The following IDH3A variants were observed in gnomAD, a reference collection of about 807,000 sequenced individuals.
IDH3A encodes the protein isocitrate dehydrogenase (NAD(+)) 3 catalytic subunit alpha.
Under a neutral mutation model 43.3 loss-of-function variants are expected in IDH3A, and 23 were observed. The observed-to-expected ratio is 0.53, with a 90% confidence interval of 0.38 to 0.75. IDH3A has a LOEUF of 0.75. Ranked by LOEUF, IDH3A falls within the 30% of genes least tolerant of loss-of-function variation. IDH3A has a pLI of 0.00. For synonymous variants in IDH3A, 154 were observed against 163.5 expected (o/e 0.94, Z 0.44); for missense variants, 329 against 474.4 (o/e 0.69, Z 2.85).
Position 78,171,003 on chromosome 15 carries a change from G to C in IDH3A, c.*1998G>C, listed in dbSNP as rs541635711. ...CGGCGATGCCCGCCAAGATTCCAGA[G>C]TAAGTCAGGTCGCTAGGTGAGTTGT... is the stretch of plus-strand genomic sequence containing the variant. On this transcript the variant is annotated 3_prime_UTR_variant, in exon 11 of 11. Coordinates refer to ENST00000299518, the MANE Select transcript of IDH3A (RefSeq NM_005530.3). 1.3e-5 allele frequency: 2 copies of C among 154,100 alleles called. No individual in the cohort carries two copies. The highest frequency in any genetic ancestry group is 4.8e-5 in the African/African-American group (2 of 41,614). 9.5% of individuals were successfully genotyped at this position (154,100 alleles called of 1,614,324 possible).
intron 10 of IDH3A, 152 bp from the exon 11 acceptor site, chr15:78,168,770 G>A: frequency 1.6e-6 from 1 of 625,106 alleles, no homozygotes; most frequent in Non-Finnish European, 2.9e-6. Context: ...GGTAGATGGT[G>A]GTGGAGTGGT....
chr15:78,159,318 C>A (rs1055046908), intron 3 of IDH3A, among the ~76,000 whole-genome samples: 3 of 152,056 alleles, frequency 2.0e-5, no homozygotes, highest in South Asian at 4.1e-4. Flanking sequence ...TTTCTTCCCC[C>A]ACCCTAGGCA....
Position 78,154,187 on chromosome 15 carries a change from A to AG in IDH3A, c.28-1025dup, listed in dbSNP as rs1236953233. On this transcript the variant is annotated intron_variant, in intron 1 of 10. Coordinates refer to ENST00000299518, the MANE Select transcript of IDH3A (RefSeq NM_005530.3). ...CTGGCATATGATGTTAATTGGAGAGAGAAAAAAAAAAAAAAACACGTACCA... is the reference window on the plus strand; with the variant it reads ...CTGGCATATGATGTTAATTGGAGAGAGGAAAAAAAAAAAAAAACACGTACCA... Among the ~76,000 whole-genome samples the AG allele has an allele frequency of 3.2e-4, 38 of 120,440 alleles. 1 individual carries two copies. In the East Asian group the frequency reaches 5.8e-3, roughly 18 times the overall value. The allele number at this position is 120,440 out of a possible 152,430, so 79.0% of individuals were successfully genotyped here. A position where few individuals can be genotyped will look rare whatever the true frequency, so the allele number is the denominator to read the frequency against.
At chr15:78,162,519 T>C (rs866329173) in intron 6 of IDH3A, 152 bp downstream of exon 6, 1 of 716,226 alleles carries the variant, frequency 1.4e-6, no homozygotes, top group East Asian at 2.9e-5. Flanking sequence ...ATCTCTCTTC[T>C]GTCGGAGTCT....
chr15:78,165,478 C>T (rs996733854), intron 9 of IDH3A, among the ~76,000 whole-genome samples: 1 of 151,868 alleles, frequency 6.6e-6, no homozygotes, highest in Non-Finnish European at 1.5e-5. Flanking sequence ...AGGTGTGAGC[C>T]ATTGCACCCA....
At chr15:78,166,072 T>C in intron 9 of IDH3A, 78 bp from the exon 10 acceptor site, 1 of 1,361,202 alleles carries the variant, frequency 7.3e-7, no homozygotes, top group Admixed American at 1.7e-5. Context: ...GGAAAGATGG[T>C]TAAGACTCCA....
In IDH3A at chr15:78,169,793, G is replaced by C. The variant is rs1215933161; in HGVS notation, c.*788G>C. On this transcript the variant is annotated 3_prime_UTR_variant, in exon 11 of 11. Coordinates refer to ENST00000299518, the MANE Select transcript of IDH3A (RefSeq NM_005530.3). ...GGATACATTTTCAGCATCATGAGTT[G>C]TCACAGCCTCTGAGCCCCTGATCTG... The C allele has an allele frequency of 2.0e-5, 3 of 152,212 alleles. No individual in the cohort carries two copies. In the South Asian group the frequency reaches 6.2e-4, roughly 32 times the overall value. 9.4% of individuals were successfully genotyped at this position (152,212 alleles called of 1,614,324 possible).
Position 78,161,981 on chromosome 15 carries a change from C to A in IDH3A, c.477+213C>A, listed in dbSNP as rs1368863466. Among the ~76,000 whole-genome samples the A allele has an allele frequency of 6.6e-6, 1 of 152,200 alleles. No individual in the cohort carries two copies. The highest frequency in any genetic ancestry group is 2.4e-5 in the African/African-American group (1 of 41,444). Reference sequence around the variant, plus strand: ...CCTCTGAATTTTGAATCCCCCACTTCACAGGTGCGCTCTTCCGCAGATGAC... The same window carrying A: ...CCTCTGAATTTTGAATCCCCCACTTAACAGGTGCGCTCTTCCGCAGATGAC... On this transcript the variant is annotated intron_variant, in intron 5 of 10. Coordinates refer to ENST00000299518, the MANE Select transcript of IDH3A (RefSeq NM_005530.3). This position sits in a 1 kb window ranked among gnomAD's most constrained non-coding sequence, Gnocchi z 4.8.
Position 78,162,366 on chromosome 15 carries a change from A to G in IDH3A, c.610A>G (p.Met204Val). The G allele has an allele frequency of 6.2e-7, 1 of 1,613,804 alleles. No individual in the cohort carries two copies. Among genetic ancestry groups the G allele is most frequent in the Non-Finnish European group, 8.5e-7 (1 of 1,179,796 alleles). The change falls in exon 6 of 11, where the codon ATG (methionine) becomes GTG (valine). Residue 204 changes from methionine to valine, a missense_variant and splice_region_variant. Met to Val is a conservative substitution (Grantham distance 21). Coordinates refer to ENST00000299518, the MANE Select transcript of IDH3A (RefSeq NM_005530.3). ...CACGGCGGTGCACAAAGCCAACATC[A>G]TGTGAGCTCCTTGCGGGGGCCGGCA... ...NVTAVHKANI[M>V]RMSDGLFLQK...
Position 78,164,422 on chromosome 15 carries a change from G to A in IDH3A, c.780-570G>A, listed in dbSNP as rs112856047. On this transcript the variant is annotated intron_variant, in intron 8 of 10. Coordinates refer to ENST00000299518, the MANE Select transcript of IDH3A (RefSeq NM_005530.3). The stretch of plus-strand genomic sequence containing the variant: ...GGCTGGAGTGCAGTGGCACAATCTC[G>A]GCTCACTGCAACCTCTACCTCCCAG... 1.5e-3 allele frequency among the ~76,000 whole-genome samples: 226 copies of A among 149,512 alleles called. 1 individual carries two copies. The highest frequency in any genetic ancestry group is 5.1e-3 in the African/African-American group (206 of 40,568).
intron 2 of IDH3A, chr15:78,157,300 T>C (rs1038472083): frequency 4.2e-6 from 3 of 720,944 alleles, no homozygotes; most frequent in East Asian, 7.5e-5. Context: ...TTTCGTTTTA[T>C]GTAAAGAGTA....
At chr15:78,168,795 TGAG>T (rs1567074401) in intron 10 of IDH3A, 124 bp from the exon 11 acceptor site, 1 of 647,610 alleles carries the variant, frequency 1.5e-6, no homozygotes, top group Non-Finnish European at 2.8e-6. Flanking sequence ...CACTTTGAAA[TGAG>T]GAACTAAATG....
intron 8 of IDH3A, among the ~76,000 whole-genome samples, chr15:78,164,786 G>C (rs2074721396): frequency 6.6e-6 from 1 of 152,184 alleles, no homozygotes; most frequent in Non-Finnish European, 1.5e-5. Context: ...ACGGCCCTTT[G>C]TTCTTTGAGC....
intron 9 of IDH3A, 119 bp downstream of exon 9, chr15:78,165,195 C>CTT (rs11394499): frequency 0.02 from 11,117 of 564,168 alleles, 1 homozygote; most frequent in South Asian, 0.029. Flanking sequence ...CAAAATGATG[C>CTT]TTTTTTTTTT....
At chr15:78,164,354 A>AT (rs144772337) in intron 8 of IDH3A, among the ~76,000 whole-genome samples, 26,214 of 116,510 alleles carry the variant, frequency 0.22, 2,683 homozygotes, top group Non-Finnish European at 0.25. Flanking sequence ...GGTGATTTTC[A>AT]TTTTTTTTTT....
chr15:78,151,109 A>C (rs1007096347), intron 1 of IDH3A: 2 of 152,230 alleles, frequency 1.3e-5, no homozygotes, highest in African/African-American at 4.8e-5. Context: ...TCAGAAGATG[A>C]GGTTCTCTGA....
chr15:78,161,771 A>ATG lies in IDH3A; in HGVS notation c.477+5_477+6dup. 6.2e-7 allele frequency: 1 copy of ATG among 1,612,638 alleles called. No homozygotes were observed. The highest frequency in any genetic ancestry group is 8.5e-7 in the Non-Finnish European group (1 of 1,178,638). On this transcript the variant is annotated splice_donor_region_variant and intron_variant, in intron 5 of 10. Transcript: ENST00000299518. The surrounding 1 kb of genome is among the most constrained non-coding windows in gnomAD (Gnocchi z 4.8). ...AATACAGTGGAATTGAGCATGTGGT[A>ATG]TGTTCACTCCAGATTCTTTTTTATT... is the stretch of plus-strand genomic sequence containing the variant.
chr15:78,164,778 G>A (rs562279775), intron 8 of IDH3A, among the ~76,000 whole-genome samples: 12 of 152,252 alleles, frequency 7.9e-5, no homozygotes, highest in South Asian at 2.1e-4. Flanking sequence ...CTTTAGACAC[G>A]GCCCTTTGTT....
intron 8 of IDH3A, among the ~76,000 whole-genome samples, chr15:78,164,135 C>T (rs1338831864): frequency 6.6e-6 from 1 of 152,114 alleles, no homozygotes; most frequent in Non-Finnish European, 1.5e-5. Context: ...TAATTTCAGA[C>T]TTACAGAAAA....
Sources: gnomAD v4.1 joint callset for allele counts (sites outside exome capture counted in the v4.1 genomes callset) on GRCh38, gnomAD v4.1.1 for gene constraint, Gnocchi (gnomAD v3.1) non-coding constraint, MANE v1.5 for transcripts, NCBI Gene and HGNC (gene_info 2026-07-23, HGNC 2026-07-21) for gene names.